Variants in BRF1 observed in about 807,000 individuals in gnomAD.
BRF1 encodes transcription factor IIIB 90 kDa subunit.
A neutral mutation model predicts 81.7 loss-of-function variants in BRF1; 59 were observed. The observed-to-expected ratio is 0.72, with a 90% CI of 0.59 to 0.90. The LOEUF is 0.90. BRF1 is among the 40% of genes least tolerant of loss of function. The probability of loss-of-function intolerance (pLI) is 0.00; values close to 1 mark genes in which losing one functional copy is unlikely to be tolerated. For missense variants in BRF1, 1,050 were observed against 936.3 expected, an observed-to-expected ratio of 1.12 and a Z score of -1.58; for synonymous variants, 491 against 395.6, an observed-to-expected ratio of 1.24 and a Z score of -2.86.
intron 3 of BRF1, among the ~76,000 whole-genome samples, chr14:105,261,354 C>A (rs944119192): frequency 1.3e-5 from 2 of 152,210 alleles, no homozygotes; most frequent in African/African-American, 4.8e-5. Context: ...CCAGTCATGA[C>A]GGTGCAGCCC....
chr14:105,257,863 G>A (rs587629091), intron 3 of BRF1, among the ~76,000 whole-genome samples: 1 of 152,186 alleles, frequency 6.6e-6, no homozygotes, highest in African/African-American at 2.4e-5. Flanking sequence ...GACAGCATTA[G>A]GTCAGTGGCC....
At chr14:105,229,198 C>A (rs587733065) in intron 6 of BRF1, among the ~76,000 whole-genome samples, 2 of 152,328 alleles carry the variant, frequency 1.3e-5, no homozygotes, top group East Asian at 1.9e-4. Flanking sequence ...AACAAACTAA[C>A]TCTAAGATGA....
Position 105,244,761 on chromosome 14 carries a change from C to T in BRF1, c.545-3347G>A, listed in dbSNP as rs902043516. Among the ~76,000 whole-genome samples the T allele has an allele frequency of 3.3e-5, 5 of 152,110 alleles. No homozygotes were observed. The South Asian group carries it at 6.2e-4, about 19-fold the overall frequency. ...GATTAGGAAAAAAAAGACTAAGGGA[C>T]GACTTAAGACACATCACCATAGACT... On this transcript the variant is annotated intron_variant, in intron 5 of 17. Transcript: ENST00000547530.
Position 105,220,078 on chromosome 14 carries a change from C to T in BRF1, c.1368G>A (p.Glu456=), listed in dbSNP as rs1396160801. ...GGGTGCTGCCACGTACCCTGTCAAT[C>T]TCCAGGTCATCAATGCCACTGAGGT... is the stretch of plus-strand genomic sequence containing the variant. ...ELDLSGIDDL[E]IDRYILNESE... Residue 456 remains glutamate, a synonymous_variant, in exon 12 of 18, where the codon GAG becomes GAA. Coordinates refer to ENST00000547530, the MANE Select transcript of BRF1 (RefSeq NM_001519.4). The T allele has an allele frequency of 3.1e-6, 5 of 1,613,076 alleles. No individual in the cohort carries two copies. Among genetic ancestry groups the T allele is most frequent in the Non-Finnish European group, 4.2e-6 (5 of 1,180,010 alleles).
chr14:105,299,122 G>C (rs10129527), intron 1 of BRF1, among the ~76,000 whole-genome samples: 1 of 151,964 alleles, frequency 6.6e-6, no homozygotes, highest in Non-Finnish European at 1.5e-5. Context: ...GCAGTGAGCC[G>C]AGATCGAGCC....
intron 2 of BRF1, among the ~76,000 whole-genome samples, chr14:105,279,086 G>A (rs2056964154): frequency 6.6e-6 from 1 of 152,060 alleles, no homozygotes; most frequent in South Asian, 2.1e-4. Flanking sequence ...GCATGTACAC[G>A]TGATCCCAAC....
In BRF1 at chr14:105,210,102, C is replaced by T. The variant is rs1703542910; in HGVS notation, c.*449G>A. 1.4e-5 allele frequency: 3 copies of T among 214,906 alleles called. No individual in the cohort carries two copies. Among genetic ancestry groups the T allele is most frequent in the Non-Finnish European group, 1.8e-5 (2 of 108,238 alleles). 13.3% of individuals were successfully genotyped at this position (214,906 alleles called of 1,614,324 possible). On this transcript the variant is annotated 3_prime_UTR_variant, in exon 18 of 18. Transcript: ENST00000547530. This position sits in a 1 kb window ranked among gnomAD's most constrained non-coding sequence, Gnocchi z 4.7. The stretch of plus-strand genomic sequence containing the variant: ...CCACTCTGGCAGAGGCTGCTGGCGC[C>T]GAGTGCTGCTCAGGAGGGGACGGTG...
rs748507409 is a variant in BRF1, at chr14:105,228,834, G to A, written c.774C>T (p.Ser258=). Reference sequence around the variant, plus strand: ...GAGCCCCTCACCTCTTCCGCAGCGTGGACTCACACACTTTGACCACACTGA... The same window carrying A: ...GAGCCCCTCACCTCTTCCGCAGCGTAGACTCACACACTTTGACCACACTGA... ...EVISVVKVCE[S]TLRKRLTEFE... is the part of the protein sequence containing the mutation. The change falls in exon 7 of 18, where the codon TCC becomes TCT. Residue 258 remains serine, a synonymous_variant. Coordinates refer to ENST00000547530, the MANE Select transcript of BRF1 (RefSeq NM_001519.4). 3.1e-6 allele frequency: 5 copies of A among 1,613,910 alleles called. No homozygotes were observed. The highest frequency in any genetic ancestry group is 1.3e-5 in the African/African-American group (1 of 75,068).
chr14:105,301,435 G>A (rs2058021833), upstream of BRF1, among the ~76,000 whole-genome samples: 1 of 151,790 alleles, frequency 6.6e-6, no homozygotes, highest in East Asian at 1.9e-4. Context: ...TTGAGGCGAG[G>A]GGGCCGAGCG....
At chr14:105,300,299 A>G in intron 1 of BRF1, 147 bp downstream of exon 1, 1 of 892,704 alleles carries the variant, frequency 1.1e-6, no homozygotes, top group Non-Finnish European at 1.6e-6. Flanking sequence ...CGCCAAGGGG[A>G]TCCACACTCG....
intron 6 of BRF1, among the ~76,000 whole-genome samples, chr14:105,229,517 C>T (rs2816645): frequency 0.55 from 83,057 of 152,038 alleles, 23,120 homozygotes; most frequent in Middle Eastern, 0.64. Flanking sequence ...AATTCCGGAG[C>T]TGGGGTAGTT....
chr14:105,217,682 C>A lies in BRF1; in HGVS notation c.1634G>T (p.Gly545Val). 6.2e-7 allele frequency: 1 copy of A among 1,613,362 alleles called. No individual in the cohort carries two copies. Among genetic ancestry groups the A allele is most frequent in the Non-Finnish European group, 8.5e-7 (1 of 1,180,024 alleles). Residue 545 changes from glycine (G) to valine (V), a missense_variant, in exon 15 of 18, where the codon GGC becomes GTC. By Grantham distance (109) the Gly-to-Val change is moderately radical. Coordinates refer to ENST00000547530, the MANE Select transcript of BRF1 (RefSeq NM_001519.4). ...SSKINYSVLR[G>V]LSSAGGGSPH... Reference sequence around the variant, plus strand: ...ACTGCCCCCGCCGGCGCTGCTGAGGCCCCGGAGCACGCTATAATTGATCTT... The same window carrying A: ...ACTGCCCCCGCCGGCGCTGCTGAGGACCCGGAGCACGCTATAATTGATCTT...
intron 1 of BRF1, among the ~76,000 whole-genome samples, chr14:105,300,152 G>A (rs1265138624): frequency 6.6e-6 from 1 of 152,260 alleles, no homozygotes; most frequent in African/African-American, 2.4e-5. Flanking sequence ...GACAGTGAGG[G>A]GCAGCTTGAG....
chr14:105,306,896 G>A (rs1049375574), intron 1 of BRF1, among the ~76,000 whole-genome samples: 2 of 152,144 alleles, frequency 1.3e-5, no homozygotes, highest in African/African-American at 4.8e-5. Context: ...GTGAGCCACC[G>A]TGCCAAGCCC....
chr14:105,314,258 A>C (rs1325135638), intron 1 of BRF1, among the ~76,000 whole-genome samples: 1 of 133,542 alleles, frequency 7.5e-6, no homozygotes, highest in Admixed American at 7.3e-5. Context: ...GCAGGAGACA[A>C]GGGGCGGCGA....
At chr14:105,225,066 T>C (rs1892869253) in intron 10 of BRF1, among the ~76,000 whole-genome samples, 1 of 152,180 alleles carries the variant, frequency 6.6e-6, no homozygotes, top group Admixed American at 6.5e-5. Flanking sequence ...GCCAGGAGCC[T>C]TGGGGGCTCC....
At chr14:105,229,074 G>T (rs113382413) in intron 6 of BRF1, among the ~76,000 whole-genome samples, 161 bp from the exon 7 acceptor site, 1 of 152,220 alleles carries the variant, frequency 6.6e-6, no homozygotes, top group Non-Finnish European at 1.5e-5. Flanking sequence ...GGCTACTCCT[G>T]AACGACATGA....
At chr14:105,272,667 G>A (rs1274492623) in intron 3 of BRF1, 54 bp downstream of exon 3, 1 of 1,526,926 alleles carries the variant, frequency 6.5e-7, no homozygotes, top group Non-Finnish European at 8.8e-7. Flanking sequence ...TTCGAGGGGA[G>A]CCAACTAAGC....
intron 5 of BRF1, chr14:105,250,854 G>A: frequency 1.5e-6 from 1 of 676,980 alleles, no homozygotes; most frequent in South Asian, 2.0e-5. Flanking sequence ...GGAGTCTTAG[G>A]CATCTCTGGT....
Sources: allele counts gnomAD v4.1 joint callset (sites outside exome capture counted in the v4.1 genomes callset), GRCh38; gene constraint gnomAD v4.1.1; non-coding constraint Gnocchi (gnomAD v3.1); transcripts MANE v1.5; gene names NCBI Gene and HGNC (gene_info 2026-07-23, HGNC 2026-07-21).